Variants in SDK1 observed in about 807,000 individuals in gnomAD.
SDK1 encodes the protein sidekick cell adhesion molecule 1.
In SDK1, 157 loss-of-function variants were observed where a neutral mutation model predicts 245.5. That is an observed-to-expected ratio of 0.64 (90% confidence interval 0.56 to 0.73). The LOEUF (loss-of-function observed/expected upper bound fraction) is 0.73. Among genes scored for constraint, SDK1 ranks in the 30% least tolerant of loss-of-function variants. The pLI, the probability that SDK1 is intolerant of heterozygous loss-of-function variation, is 0.00. For synonymous variants in SDK1, 1,647 were observed against 1,278.5 expected (o/e 1.29, Z -6.15); for missense variants, 3,583 against 3,002.3 (o/e 1.19, Z -4.52).
rs551790366 is a variant in SDK1 at position 4,103,541 on chromosome 7, G to A, written c.3325-7122G>A. 1.2e-4 allele frequency among the ~76,000 whole-genome samples: 19 copies of A among 152,312 alleles called. No homozygotes were observed. The South Asian group carries it at 3.9e-3, about 32-fold the overall frequency. On this transcript the variant is annotated intron_variant, in intron 22 of 44. Coordinates refer to ENST00000404826, the MANE Select transcript of SDK1 (RefSeq NM_152744.4). ...AGAAATTTCAGTTTCTCCCCTAGAGGTCGCTAAGTGTAGTTACATTTTTGG... is the reference window on the plus strand; with the variant it reads ...AGAAATTTCAGTTTCTCCCCTAGAGATCGCTAAGTGTAGTTACATTTTTGG...
intron 2 of SDK1, 105 bp from the exon 3 acceptor site, chr7:3,638,899 A>G: frequency 3.5e-6 from 2 of 578,860 alleles, no homozygotes; most frequent in Non-Finnish European, 6.2e-6. Flanking sequence ...TTGAGCATAT[A>G]CTAGATGAGA....
chr7:4,181,804 C>T (rs997693304), intron 35 of SDK1, among the ~76,000 whole-genome samples: 4 of 152,220 alleles, frequency 2.6e-5, no homozygotes, highest in African/African-American at 9.7e-5. Flanking sequence ...TCACAGAGCT[C>T]GAAGGCGGGT....
At chr7:4,213,391 G>A (rs1784605331) in intron 38 of SDK1, among the ~76,000 whole-genome samples, 1 of 149,528 alleles carries the variant, frequency 6.7e-6, no homozygotes, top group African/African-American at 2.5e-5. Context: ...CAGCTTGGGC[G>A]ACAGAGCAAG....
chr7:3,768,020 G>A (rs992131582), intron 4 of SDK1, among the ~76,000 whole-genome samples: 2 of 152,140 alleles, frequency 1.3e-5, no homozygotes, highest in African/African-American at 4.8e-5. Flanking sequence ...GTTCACACAT[G>A]TGGAAAGCAG....
chr7:4,097,048 G>A (rs376192465), intron 22 of SDK1, among the ~76,000 whole-genome samples: 3 of 152,324 alleles, frequency 2.0e-5, no homozygotes, highest in East Asian at 3.9e-4. Context: ...TCTTTTTCCC[G>A]GTAGAAACTG....
At chr7:3,768,638 C>G (rs1456552424) in intron 4 of SDK1, among the ~76,000 whole-genome samples, 3 of 152,222 alleles carry the variant, frequency 2.0e-5, no homozygotes, top group Non-Finnish European at 2.9e-5. Context: ...CACGCCTAGT[C>G]TCACATATTG....
chr7:4,069,019 G>T (rs1324786343), intron 20 of SDK1, among the ~76,000 whole-genome samples: 1 of 152,162 alleles, frequency 6.6e-6, no homozygotes, highest in African/African-American at 2.4e-5. Flanking sequence ...ACTGCGCCTG[G>T]CCAAATTTTT....
intron 4 of SDK1, among the ~76,000 whole-genome samples, chr7:3,644,063 C>T (rs942813134): frequency 2.7e-4 from 40 of 150,872 alleles, no homozygotes; most frequent in Admixed American, 1.8e-3. Context: ...TCACCATCCC[C>T]GGCTAATTTT....
At chr7:3,834,604 C>T (rs756934924) in intron 5 of SDK1, among the ~76,000 whole-genome samples, 4 of 152,150 alleles carry the variant, frequency 2.6e-5, no homozygotes, top group East Asian at 1.9e-4. Flanking sequence ...CCATAACCAC[C>T]GTCCTTTCAT....
chr7:3,521,419 C>T (rs1782934836), intron 1 of SDK1, among the ~76,000 whole-genome samples: 1 of 134,420 alleles, frequency 7.4e-6, no homozygotes, highest in Non-Finnish European at 1.6e-5. Context: ...CACAGTGAGC[C>T]TGTTCTCATG....
chr7:3,675,135 C>A (rs1175955127), intron 4 of SDK1, among the ~76,000 whole-genome samples: 1 of 152,202 alleles, frequency 6.6e-6, no homozygotes, highest in African/African-American at 2.4e-5. Context: ...CCCTCCATGC[C>A]CCAAACCTGC....
At chr7:3,801,152 A>T (rs894614954) in intron 4 of SDK1, among the ~76,000 whole-genome samples, 1 of 152,340 alleles carries the variant, frequency 6.6e-6, no homozygotes, top group Non-Finnish European at 1.5e-5. Flanking sequence ...AATAAGACAC[A>T]TCACTATTTC....
chr7:3,306,406 A>G (rs940915927), intron 1 of SDK1, among the ~76,000 whole-genome samples: 4 of 152,132 alleles, frequency 2.6e-5, no homozygotes, highest in East Asian at 3.8e-4. Flanking sequence ...AGAATGGACT[A>G]CTGGGAGTGC....
intron 1 of SDK1, among the ~76,000 whole-genome samples, chr7:3,521,543 A>C (rs1782940949): frequency 6.6e-6 from 1 of 152,202 alleles, no homozygotes. Flanking sequence ...TGTGATAAGC[A>C]CTTATGTTAG....
At chr7:3,923,595 G>A (rs1043568331) in intron 5 of SDK1, among the ~76,000 whole-genome samples, 5 of 152,334 alleles carry the variant, frequency 3.3e-5, no homozygotes, top group African/African-American at 1.2e-4. Context: ...CTGGTATGGG[G>A]CCTGGGAATG....
intron 4 of SDK1, among the ~76,000 whole-genome samples, chr7:3,773,406 T>C (rs1009663874): frequency 6.6e-6 from 1 of 152,138 alleles, no homozygotes; most frequent in African/African-American, 2.4e-5. Context: ...GTTTTCTGTC[T>C]TTATTTATAT....
chr7:3,845,631 G>T (rs1386733672), intron 5 of SDK1, among the ~76,000 whole-genome samples: 1 of 151,720 alleles, frequency 6.6e-6, no homozygotes, highest in Non-Finnish European at 1.5e-5. Context: ...TCTTGGCTCA[G>T]GGTCTCTTCA....
rs547821834 is a variant in SDK1, at chr7:3,842,116, A to G, written c.847+20533A>G. Among the ~76,000 whole-genome samples the G allele has an allele frequency of 8.7e-4, 133 of 152,334 alleles. 1 individual carries two copies. The highest frequency in any genetic ancestry group is 8.1e-3 in the Admixed American group (124 of 15,304). On this transcript the variant is annotated intron_variant, in intron 5 of 44. Coordinates refer to ENST00000404826, the MANE Select transcript of SDK1 (RefSeq NM_152744.4). ...TCAGAATGACATGTTGGTGGCAGCT[A>G]AAAATGTAGTTGTTCAATACTGTCC...
chr7:4,062,118 A>T (rs980053377), intron 19 of SDK1, among the ~76,000 whole-genome samples: 1 of 152,014 alleles, frequency 6.6e-6, no homozygotes, highest in African/African-American at 2.4e-5. Context: ...TGTACCCTAA[A>T]ACTTAAAGTA....
Sources: allele counts gnomAD v4.1 joint callset (sites outside exome capture counted in the v4.1 genomes callset), GRCh38; gene constraint gnomAD v4.1.1; transcripts MANE v1.5; gene names NCBI Gene and HGNC (gene_info 2026-07-23, HGNC 2026-07-21).